Variants in CWC27 observed in about 807,000 individuals in gnomAD.
CWC27 encodes CWC27 spliceosome associated cyclophilin.
A neutral mutation model predicts 63.6 loss-of-function variants in CWC27; 47 were observed. That is an observed-to-expected ratio of 0.74 (90% CI 0.58 to 0.94). CWC27 has a LOEUF of 0.94. Ranked by LOEUF, CWC27 falls within the 40% of genes least tolerant of loss-of-function variation. The probability of loss-of-function intolerance (pLI) is 0.00; values close to 1 mark genes in which losing one functional copy is unlikely to be tolerated. For synonymous variants in CWC27, 175 were observed against 179.8 expected (o/e 0.97, Z 0.22); for missense variants, 495 against 554.3 (o/e 0.89, Z 1.07).
At chr5:64,847,662 A>G (rs904873598) in intron 10 of CWC27, among the ~76,000 whole-genome samples, 7 of 152,200 alleles carry the variant, frequency 4.6e-5, no homozygotes, top group Admixed American at 1.3e-4. Flanking sequence ...AGATGATTCA[A>G]ATTATATTAA....
At chr5:64,944,877 C>G (rs1430423670) in intron 11 of CWC27, among the ~76,000 whole-genome samples, 1 of 151,906 alleles carries the variant, frequency 6.6e-6, no homozygotes, top group African/African-American at 2.4e-5. Context: ...TTTTTTAAAC[C>G]CACCAATGGA....
At position 64,875,362 on chromosome 5, in the gene CWC27, C is replaced by T. The variant is rs1443555535; in HGVS notation, c.939-10081C>T. 2.0e-5 allele frequency among the ~76,000 whole-genome samples: 3 copies of T among 151,974 alleles called. 1 individual carries two copies. Among genetic ancestry groups the T allele is most frequent in the African/African-American group, 2.4e-5 (1 of 41,468 alleles). On this transcript the variant is annotated intron_variant, in intron 10 of 13. Transcript: ENST00000381070. ...AAGATATGGATATAGTCTTTTTATT[C>T]GTAAGTAATGGTGTAGCAGATTATA...
At chr5:64,895,338 G>T (rs1747346399) in intron 11 of CWC27, among the ~76,000 whole-genome samples, 1 of 150,834 alleles carries the variant, frequency 6.6e-6, no homozygotes, top group South Asian at 2.1e-4. Context: ...AAAAGGACCA[G>T]AACACAGAAA....
At chr5:64,920,899 G>A (rs1747983715) in intron 11 of CWC27, among the ~76,000 whole-genome samples, 1 of 151,846 alleles carries the variant, frequency 6.6e-6, no homozygotes, top group Non-Finnish European at 1.5e-5. Flanking sequence ...ATCTTTTGAA[G>A]AACCAACTTT....
intron 10 of CWC27, among the ~76,000 whole-genome samples, chr5:64,845,214 C>G (rs958937103): frequency 6.6e-6 from 1 of 152,190 alleles, no homozygotes; most frequent in Non-Finnish European, 1.5e-5. Flanking sequence ...TGGCCCTTCC[C>G]AGGCTAAACT....
At chr5:64,994,608 A>T (rs1390225663) in intron 13 of CWC27, among the ~76,000 whole-genome samples, 1 of 152,146 alleles carries the variant, frequency 6.6e-6, no homozygotes, top group African/African-American at 2.4e-5. Flanking sequence ...TGTGTAAAAC[A>T]TTTACATCAC....
chr5:65,018,212 G>A lies in CWC27; in HGVS notation c.1310G>A (p.Ser437Asn). The A allele has an allele frequency of 6.2e-7, 1 of 1,608,086 alleles. No individual in the cohort carries two copies. Residue 437 changes from serine (S) to asparagine (N), a missense_variant, in exon 14 of 14, where the codon AGC becomes AAC. By Grantham distance (46) the Ser-to-Asn change is conservative. Coordinates refer to ENST00000381070, the MANE Select transcript of CWC27 (RefSeq NM_005869.4). ...EDKSRKVKDA[S>N]MQDSDTFEIY... ...AAAAGCAGAAAAGTGAAAGATGCAA[G>A]CATGCAAGACTCAGATACATTTGAA...
intron 13 of CWC27, among the ~76,000 whole-genome samples, chr5:64,979,675 C>T (rs960130027): frequency 6.6e-6 from 1 of 152,106 alleles, no homozygotes; most frequent in African/African-American, 2.4e-5. Context: ...TTGTAGGTCA[C>T]GGTTGCCGCT....
chr5:64,781,041 C>T lies in CWC27; in HGVS notation c.140-880C>T, dbSNP rs562673694. Reference sequence around the variant, plus strand: ...CACTCAATTTGTCGCTTATACTTTGCCTCACTGAGATGCCATGCTTCTGCC... The same window carrying T: ...CACTCAATTTGTCGCTTATACTTTGTCTCACTGAGATGCCATGCTTCTGCC... On this transcript the variant is annotated intron_variant, in intron 2 of 13. Transcript: ENST00000381070. Among the ~76,000 whole-genome samples, 21 of 152,268 alleles carry T rather than the reference C, an allele frequency of 1.4e-4. No individual in the cohort carries two copies. The South Asian group carries it at 4.4e-3, about 32-fold the overall frequency.
chr5:64,771,392 T>A (rs780938972), intron 1 of CWC27, among the ~76,000 whole-genome samples: 6 of 152,212 alleles, frequency 3.9e-5, no homozygotes, highest in Non-Finnish European at 7.4e-5. Context: ...TGGGAAGTAA[T>A]TGATACATGA....
intron 11 of CWC27, among the ~76,000 whole-genome samples, chr5:64,899,598 A>G (rs1459887388): frequency 6.6e-6 from 1 of 152,232 alleles, no homozygotes; most frequent in African/African-American, 2.4e-5. Context: ...AAACAGGACA[A>G]TGTAATTTGG....
chr5:64,875,444 T>C (rs1746773256), intron 10 of CWC27, among the ~76,000 whole-genome samples: 1 of 152,168 alleles, frequency 6.6e-6, no homozygotes, highest in Non-Finnish European at 1.5e-5. Flanking sequence ...TAGATACCTT[T>C]CAGGATCACT....
Position 64,807,819 on chromosome 5 carries a change from TC to T in CWC27, c.938+3434del, listed in dbSNP as rs1396143882. 9 of 1,533,838 alleles carry T rather than the reference TC, an allele frequency of 5.9e-6. No homozygotes were observed. The Admixed American group carries it at 1.4e-4, about 23-fold the overall frequency. On this transcript the variant is annotated intron_variant, in intron 10 of 13. Transcript: ENST00000381070. ...TTTTATGAAATGAGAGTAAATTTCT[TC>T]AACCCGTATTTCTTTCTCTTCCCCG...
intron 11 of CWC27, among the ~76,000 whole-genome samples, chr5:64,959,714 C>T (rs539725174): frequency 1.3e-5 from 2 of 152,354 alleles, no homozygotes; most frequent in Non-Finnish European, 2.9e-5. Flanking sequence ...TAAGGCCCTA[C>T]AAGTCCCTCC....
intron 10 of CWC27, among the ~76,000 whole-genome samples, chr5:64,858,481 T>TAATAATAATAATAATAAC (rs1282193736): frequency 3.3e-5 from 5 of 149,628 alleles, no homozygotes; most frequent in Non-Finnish European, 5.9e-5. Flanking sequence ...ATAATAATAA[T>TAATAATAATAATAATAAC]AATAATAATA....
At chr5:64,819,439 C>T (rs1488587811) in intron 10 of CWC27, among the ~76,000 whole-genome samples, 2 of 152,014 alleles carry the variant, frequency 1.3e-5, no homozygotes, top group Non-Finnish European at 2.9e-5. Flanking sequence ...TTGTAGCTCC[C>T]TTAATTCCCA....
intron 9 of CWC27, among the ~76,000 whole-genome samples, chr5:64,801,993 C>CT (rs1744505423): frequency 6.6e-6 from 1 of 152,114 alleles, no homozygotes; most frequent in Non-Finnish European, 1.5e-5. Flanking sequence ...CTCTCTATGG[C>CT]TATCAGTAGT....
At chr5:64,898,387 A>C (rs1040348053) in intron 11 of CWC27, among the ~76,000 whole-genome samples, 2 of 152,226 alleles carry the variant, frequency 1.3e-5, no homozygotes, top group Non-Finnish European at 2.9e-5. Context: ...AATAAAGAGC[A>C]GAAATCAGTA....
At chr5:65,000,822 T>A (rs529147026) in intron 13 of CWC27, among the ~76,000 whole-genome samples, 1 of 152,264 alleles carries the variant, frequency 6.6e-6, no homozygotes, top group South Asian at 2.1e-4. Context: ...CTTTTGTAAT[T>A]CCATACAAAT....
Sources: allele counts gnomAD v4.1 joint callset (sites outside exome capture counted in the v4.1 genomes callset), GRCh38; gene constraint gnomAD v4.1.1; transcripts MANE v1.5; gene names NCBI Gene and HGNC (gene_info 2026-07-23, HGNC 2026-07-21).